Variants in MCF2 observed in about 807,000 individuals in gnomAD.
The protein encoded by MCF2 is MCF.2 cell line derived transforming sequence, also known as proto-oncogene DBL.
Under a neutral mutation model 82.5 loss-of-function variants are expected in MCF2, and 44 were observed. The observed-to-expected ratio is 0.53, with a 90% confidence interval of 0.42 to 0.69. MCF2 has a LOEUF of 0.69. Among genes scored for constraint, MCF2 ranks in the 30% least tolerant of loss-of-function variants. The probability of loss-of-function intolerance (pLI) is 0.00; values close to 1 mark genes in which losing one functional copy is unlikely to be tolerated. For synonymous variants in MCF2, 217 were observed against 224.9 expected (o/e 0.96, Z 0.32); for missense variants, 623 against 663.1 (o/e 0.94, Z 0.66).
chrX:139,664,933 T>C (rs970860680), intron 1 of MCF2, among the ~76,000 whole-genome samples: 24 of 111,436 alleles, frequency 2.2e-4, no homozygotes, highest in Non-Finnish European at 3.8e-4. Flanking sequence ...AGGCAGTAGG[T>C]TCCCTTGTGG....
At chrX:139,647,063 T>A (rs1933826650), upstream of MCF2, among the ~76,000 whole-genome samples, 1 of 111,912 alleles carries the variant, frequency 8.9e-6, no homozygotes, top group Non-Finnish European at 1.9e-5. Flanking sequence ...CCTGACACTT[T>A]AAGTTTAAAA....
exon 8 of MCF2, chrX:139,617,602 G>T: frequency 8.3e-7 from 1 of 1,202,778 alleles, no homozygotes; most frequent in Non-Finnish European, 1.1e-6. Context: ...GAAAGGTAAC[G>T]TAGCTCATTG....
At chrX:139,592,836 T>C (rs1326851162) in intron 19 of MCF2, among the ~76,000 whole-genome samples, 2 of 111,708 alleles carry the variant, frequency 1.8e-5, no homozygotes, top group African/African-American at 3.3e-5. Flanking sequence ...AGGAACCTTG[T>C]TGGGAACAAC....
At chrX:139,682,624 G>A (rs936776119) in intron 1 of MCF2, among the ~76,000 whole-genome samples, 5 of 112,268 alleles carry the variant, frequency 4.5e-5, no homozygotes, top group African/African-American at 1.6e-4. Context: ...GCCACAGGGA[G>A]GATAACTACA....
intron 1 of MCF2, among the ~76,000 whole-genome samples, chrX:139,665,592 C>A (rs776691660): frequency 2.7e-5 from 3 of 110,770 alleles, no homozygotes; most frequent in African/African-American, 9.9e-5. Flanking sequence ...GTCTTTCCTA[C>A]CCTCTTCAGT....
At position 139,660,521 on chromosome X, in the gene MCF2, A is replaced by G. The variant is rs143684589; in HGVS notation, c.-44-8733T>C. ...CTATGTGTGTATTTTTTTCCTTTCA[A>G]TCTGAACATCGATACTCTATACCAT... On this transcript the variant is annotated intron_variant, in intron 1 of 27. Transcript: ENST00000414978. Among the ~76,000 whole-genome samples the G allele has an allele frequency of 9.7e-3, 1,091 of 112,053 alleles. 8 individuals carry two copies. Among genetic ancestry groups the G allele is most frequent in the Non-Finnish European group, 0.015 (771 of 53,156 alleles).
At chrX:139,657,791 A>G (rs1205681058) in intron 1 of MCF2, among the ~76,000 whole-genome samples, 1 of 111,490 alleles carries the variant, frequency 9.0e-6, no homozygotes, top group East Asian at 2.8e-4. Flanking sequence ...GTTGGTTTTT[A>G]CCCTCAGAGA....
rs1933556599 is a variant in MCF2 at position 139,641,351 on chromosome X, T to C, written c.51+1117A>G. ...CTGTTAAAAGTCTGAATCTATATTC[T>C]CATAATATAAAAACATGTATAGAGC... On this transcript the variant is annotated intron_variant, in intron 1 of 24. Transcript: ENST00000370576. 2.7e-5 allele frequency among the ~76,000 whole-genome samples: 3 copies of C among 110,459 alleles called. No individual in the cohort carries two copies. The East Asian group carries it at 8.5e-4, about 31-fold the overall frequency.
At chrX:139,697,314 C>A in intron 1 of MCF2, among the ~76,000 whole-genome samples, 1 of 111,889 alleles carries the variant, frequency 8.9e-6, no homozygotes. Flanking sequence ...GAAAACAGGG[C>A]TGATACATGT....
rs1603300708 is a variant in MCF2 at position 139,651,912 on chromosome X, G to C, written c.-44-124C>G. ...GGAGCCCCACAGGTCTGTGTCCACA[G>C]ACACTGTCGATCTCTTTCCTCCTCT... On this transcript the variant is annotated intron_variant, in intron 1 of 27. Transcript: ENST00000414978. 1.7e-5 allele frequency: 7 copies of C among 406,489 alleles called. No homozygotes were observed. In the East Asian group the frequency reaches 2.8e-4, roughly 16 times the overall value. 33.5% of individuals were successfully genotyped at this position (406,489 alleles called of 1,213,427 possible).
chrX:139,682,795 G>T (rs776392275), intron 1 of MCF2, among the ~76,000 whole-genome samples: 22 of 112,538 alleles, frequency 2.0e-4, no homozygotes, highest in Non-Finnish European at 4.1e-4. Context: ...AGGCGACTGA[G>T]TTAGTGATGA....
chrX:139,693,080 A>T (rs1396106609), intron 1 of MCF2, among the ~76,000 whole-genome samples: 1 of 111,226 alleles, frequency 9.0e-6, no homozygotes, highest in Non-Finnish European at 1.9e-5. Context: ...CTTGCCCTGA[A>T]CCCAAAGCAC....
chrX:139,699,486 C>G (rs759997518), intron 1 of MCF2, among the ~76,000 whole-genome samples: 1 of 112,145 alleles, frequency 8.9e-6, no homozygotes, highest in African/African-American at 3.2e-5. Flanking sequence ...AACCTGTACC[C>G]TTTAGCTGTC....
intron 1 of MCF2, among the ~76,000 whole-genome samples, chrX:139,697,061 A>T (rs1935399084): frequency 8.9e-6 from 1 of 111,833 alleles, no homozygotes; most frequent in Non-Finnish European, 1.9e-5. Flanking sequence ...TTCTAAATCC[A>T]TGTGACACAG....
intron 1 of MCF2, among the ~76,000 whole-genome samples, chrX:139,663,430 G>A (rs1416291430): frequency 2.7e-5 from 3 of 111,807 alleles, no homozygotes; most frequent in African/African-American, 9.8e-5. Context: ...CTAATGTACA[G>A]ACTTTTTCAT....
At chrX:139,593,974 A>G (rs1338261613) in intron 19 of MCF2, among the ~76,000 whole-genome samples, 10 of 111,037 alleles carry the variant, frequency 9.0e-5, no homozygotes, top group African/African-American at 3.3e-4. Context: ...TCCCATTCAC[A>G]ATTGCTACAA....
upstream of MCF2, chrX:139,646,957 C>A: frequency 1.4e-6 from 1 of 691,367 alleles, no homozygotes; most frequent in Non-Finnish European, 2.2e-6. Context: ...AACAACGAAG[C>A]AAGAAGAGGA....
intron 2 of MCF2, among the ~76,000 whole-genome samples, chrX:139,650,442 C>G (rs1933959673): frequency 8.9e-6 from 1 of 111,776 alleles, no homozygotes; most frequent in East Asian, 2.8e-4. Context: ...GTTTAGTAAA[C>G]TGAGCATGTG....
At chrX:139,636,105 C>T (rs571594820) in intron 1 of MCF2, among the ~76,000 whole-genome samples, 4 of 111,291 alleles carry the variant, frequency 3.6e-5, no homozygotes, top group Middle Eastern at 4.6e-3. Context: ...CTTGGATTCT[C>T]GGACGTCAGA....
Sources: allele counts gnomAD v4.1 joint callset (sites outside exome capture counted in the v4.1 genomes callset), GRCh38; gene constraint gnomAD v4.1.1; transcripts MANE v1.5; gene names NCBI Gene and HGNC (gene_info 2026-07-23, HGNC 2026-07-21).